The following PARD3B variants were observed in gnomAD, a reference collection of about 807,000 sequenced individuals.
PARD3B encodes partitioning defective 3 homolog B.
Under a neutral mutation model 130.2 loss-of-function variants are expected in PARD3B, and 103 were observed. That is an observed-to-expected ratio of 0.79 (90% CI 0.67 to 0.93). The LOEUF is 0.93. Among genes scored for constraint, PARD3B ranks in the 40% least tolerant of loss-of-function variants. PARD3B has a pLI of 0.00. For synonymous variants in PARD3B, 583 were observed against 553.2 expected (o/e 1.05, Z -0.76); for missense variants, 1,609 against 1,499.2 (o/e 1.07, Z -1.21).
Position 205,300,656 on chromosome 2 carries a change from TG to T in PARD3B, c.2314del (p.Val772PhefsTer24), listed in dbSNP as rs934622926. The T allele has an allele frequency of 1.2e-5, 20 of 1,613,854 alleles. No homozygotes were observed. The Admixed American group carries it at 2.3e-4, about 19-fold the overall frequency. ...CCCTTTCACAGGCCCCGGCCGCACA[TG>T]GTTCGAGGCCGAGGCTGCAATGAGA... ...DLPFHRPRPH[M>X]VRGRGCNESF... On this transcript the variant is annotated frameshift_variant, in exon 17 of 23. Transcript: ENST00000406610. LOFTEE classifies it high-confidence loss of function. This position sits in a 1 kb window ranked among gnomAD's most constrained non-coding sequence, Gnocchi z 4.1.
chr2:204,899,184 T>TCCTCCTTCC (rs2046756358), intron 2 of PARD3B, among the ~76,000 whole-genome samples: 2 of 140,738 alleles, frequency 1.4e-5, no homozygotes, highest in African/African-American at 5.4e-5. Context: ...GGTCTTCTCT[T>TCCTCCTTCC]CTCCCTTCCC....
At position 205,471,986 on chromosome 2, in the gene PARD3B, A is replaced by C. The variant is rs571282671; in HGVS notation, c.3045-27910A>C. Among the ~76,000 whole-genome samples, 6 of 152,264 alleles carry C rather than the reference A, an allele frequency of 3.9e-5. No individual in the cohort carries two copies. In the South Asian group the frequency reaches 1.2e-3, roughly 32 times the overall value. ...CTTACCACTCAGCTTACTTAGAATA[A>C]AAAAGAGCAAGGCTGGTTTCTGTCT... On this transcript the variant is annotated intron_variant, in intron 20 of 22. Transcript: ENST00000406610.
At chr2:205,218,219 TG>T (rs2038054241) in intron 15 of PARD3B, among the ~76,000 whole-genome samples, 1 of 152,012 alleles carries the variant, frequency 6.6e-6, no homozygotes, top group South Asian at 2.1e-4. Flanking sequence ...TGTCCTAAAT[TG>T]TTGAAGCAAT....
intron 16 of PARD3B, among the ~76,000 whole-genome samples, chr2:205,257,371 GAA>G (rs1239848730): frequency 1.5e-5 from 2 of 137,822 alleles, no homozygotes; most frequent in Admixed American, 7.2e-5. Context: ...AACTGCAAAA[GAA>G]AAAAAAAAAG....
intron 21 of PARD3B, among the ~76,000 whole-genome samples, chr2:205,549,570 G>T (rs2052526739): frequency 6.6e-6 from 1 of 152,144 alleles, no homozygotes; most frequent in African/African-American, 2.4e-5. Flanking sequence ...CCAACTATAT[G>T]ACACTCTGGA....
At chr2:204,717,394 G>GA (rs1260588319) in intron 2 of PARD3B, among the ~76,000 whole-genome samples, 1 of 152,192 alleles carries the variant, frequency 6.6e-6, no homozygotes, top group Non-Finnish European at 1.5e-5. Context: ...TGCTAGGTAA[G>GA]AAAATGCCAT....
chr2:205,574,930 C>G (rs2053695600), intron 22 of PARD3B, among the ~76,000 whole-genome samples: 2 of 151,218 alleles, frequency 1.3e-5, no homozygotes, highest in Admixed American at 1.3e-4. Context: ...AGCCTACAAG[C>G]TGTGGCTTCA....
chr2:205,326,526 G>A (rs1362651784), intron 18 of PARD3B, among the ~76,000 whole-genome samples: 2 of 152,086 alleles, frequency 1.3e-5, no homozygotes, highest in East Asian at 1.9e-4. Flanking sequence ...GAGCTAGAAC[G>A]AAGGAGTTAT....
Position 205,615,640 on chromosome 2 carries a change from C to A in PARD3B, c.3445C>A (p.Pro1149Thr), listed in dbSNP as rs773045946. The change falls in exon 23 of 23, where the codon CCC (proline) becomes ACC (threonine). Residue 1149 changes from proline to threonine, a missense_variant. Coordinates refer to ENST00000406610, the MANE Select transcript of PARD3B (RefSeq NM_001302769.2). ...YPQHYPPPPA[P>T]QHKGPFRQDV... ...TCAGCACTACCCACCCCCGCCAGCT[C>A]CCCAGCACAAAGGACCCTTTCGACA... 3.1e-6 allele frequency: 5 copies of A among 1,614,076 alleles called. No individual in the cohort carries two copies. Among genetic ancestry groups the A allele is most frequent in the Non-Finnish European group, 4.2e-6 (5 of 1,180,002 alleles).
In PARD3B at chr2:205,015,334, G is replaced by A. The variant is rs1346123218; in HGVS notation, c.395-32247G>A. ...CTGTTGAGTAGATGGAGGAAGAGAA[G>A]GGGTTGGTCTTGCTCTCTCAGGGGT... On this transcript the variant is annotated intron_variant, in intron 3 of 22. Coordinates refer to ENST00000406610, the MANE Select transcript of PARD3B (RefSeq NM_001302769.2). The surrounding 1 kb of genome is among the most constrained non-coding windows in gnomAD (Gnocchi z 4.5). Among the ~76,000 whole-genome samples the A allele has an allele frequency of 6.6e-6, 1 of 152,148 alleles. No individual in the cohort carries two copies. Among genetic ancestry groups the A allele is most frequent in the East Asian group, 1.9e-4 (1 of 5,196 alleles).
chr2:204,837,771 G>C (rs188576355), intron 2 of PARD3B, among the ~76,000 whole-genome samples: 1 of 152,048 alleles, frequency 6.6e-6, no homozygotes, highest in African/African-American at 2.4e-5. Context: ...CCTGATTTCC[G>C]CCTCTCTGTA....
intron 2 of PARD3B, among the ~76,000 whole-genome samples, chr2:204,800,709 A>T (rs907252751): frequency 3.3e-5 from 5 of 152,158 alleles, no homozygotes; most frequent in African/African-American, 1.2e-4. Context: ...GAAGCTCTTT[A>T]GTTTAATTAG....
rs147304336 is a variant in PARD3B at position 205,031,275 on chromosome 2, G to GC, written c.395-16305dup. Among the ~76,000 whole-genome samples, 1,488 of 152,282 alleles carry GC rather than the reference G, an allele frequency of 9.8e-3. 27 individuals are homozygous for GC. Among genetic ancestry groups the GC allele is most frequent in the African/African-American group, 0.034 (1,414 of 41,570 alleles). ...GTGCGTTTTCCAATCTAGATGGATA[G>GC]CATAGAATGAGATGACCTAGACAAG... On this transcript the variant is annotated intron_variant, in intron 3 of 22. Transcript: ENST00000406610.
intron 18 of PARD3B, among the ~76,000 whole-genome samples, chr2:205,365,239 G>A (rs2044559543): frequency 6.6e-6 from 1 of 151,860 alleles, no homozygotes; most frequent in Non-Finnish European, 1.5e-5. Flanking sequence ...TGGTATGGTG[G>A]CAGGCGCCTG....
intron 2 of PARD3B, among the ~76,000 whole-genome samples, chr2:204,704,254 A>T (rs1231581624): frequency 1.3e-5 from 2 of 152,186 alleles, no homozygotes; most frequent in African/African-American, 4.8e-5. Flanking sequence ...TATTGAGAAT[A>T]TGTTTGGATT....
intron 6 of PARD3B, 50 bp from the exon 7 acceptor site, chr2:205,118,871 T>C: frequency 2.4e-6 from 3 of 1,261,354 alleles, no homozygotes; most frequent in Non-Finnish European, 3.3e-6. Context: ...GGAGAAATAA[T>C]TAGCATTTAT....
chr2:205,575,146 G>A lies in PARD3B; in HGVS notation c.3260+21743G>A, dbSNP rs1575401825. ...ACTATATATAAAAATATATTTTCAT[G>A]TAAGGTATATATATATTATACACAC... On this transcript the variant is annotated intron_variant, in intron 22 of 22. Coordinates refer to ENST00000406610, the MANE Select transcript of PARD3B (RefSeq NM_001302769.2). This position sits in a 1 kb window ranked among gnomAD's most constrained non-coding sequence, Gnocchi z 4.6. Among the ~76,000 whole-genome samples, 1 of 150,502 alleles carries A rather than the reference G, an allele frequency of 6.6e-6. No homozygotes were observed. Among genetic ancestry groups the A allele is most frequent in the African/African-American group, 2.5e-5 (1 of 40,762 alleles).
chr2:205,597,148 T>C (rs2054600993), intron 22 of PARD3B, among the ~76,000 whole-genome samples: 1 of 152,122 alleles, frequency 6.6e-6, no homozygotes, highest in Non-Finnish European at 1.5e-5. Context: ...GTCTTCCAAA[T>C]AGCGAGCATA....
intron 10 of PARD3B, among the ~76,000 whole-genome samples, chr2:205,155,846 C>T (rs2034086275): frequency 6.6e-6 from 1 of 152,054 alleles, no homozygotes; most frequent in South Asian, 2.1e-4. Context: ...AAGTGTCTTC[C>T]TTTGAGAAGT....
Sources: gnomAD v4.1 joint callset for allele counts (sites outside exome capture counted in the v4.1 genomes callset) on GRCh38, gnomAD v4.1.1 for gene constraint, Gnocchi (gnomAD v3.1) non-coding constraint, MANE v1.5 for transcripts, NCBI Gene and HGNC (gene_info 2026-07-23, HGNC 2026-07-21) for gene names.